Variants in KCNIP4 observed in about 807,000 individuals in gnomAD.
KCNIP4 encodes Kv channel-interacting protein 4.
In KCNIP4, 12 loss-of-function variants were observed where a neutral mutation model predicts 34.0. The ratio of observed to expected loss-of-function variants is 0.35; its 90% CI spans 0.23 to 0.57. KCNIP4 has a LOEUF of 0.57. Among genes scored for constraint, KCNIP4 ranks in the 20% least tolerant of loss-of-function variants. The pLI is 0.83. For synonymous variants in KCNIP4, 124 were observed against 102.2 expected (o/e 1.21, Z -1.29); for missense variants, 238 against 311.7 (o/e 0.76, Z 1.78).
chr4:21,497,991 C>A (rs981085691), intron 1 of KCNIP4, among the ~76,000 whole-genome samples: 1 of 152,096 alleles, frequency 6.6e-6, no homozygotes, highest in Admixed American at 6.6e-5. Context: ...AATGTTGGTA[C>A]AGAGCAACAT....
intron 1 of KCNIP4, among the ~76,000 whole-genome samples, chr4:21,816,956 G>T (rs1578026620): frequency 6.6e-6 from 1 of 152,162 alleles, no homozygotes; most frequent in African/African-American, 2.4e-5. Context: ...AAAAGCTGTT[G>T]TGAGAATTAA....
At chr4:21,785,924 G>A (rs1427821771) in intron 1 of KCNIP4, among the ~76,000 whole-genome samples, 1 of 152,070 alleles carries the variant, frequency 6.6e-6, no homozygotes, top group African/African-American at 2.4e-5. Context: ...TCATGTACAG[G>A]TTTTGGTGTG....
chr4:21,535,715 G>A (rs185289508), intron 1 of KCNIP4, among the ~76,000 whole-genome samples: 3 of 152,216 alleles, frequency 2.0e-5, no homozygotes, highest in Admixed American at 1.3e-4. Context: ...GAAATGAAAT[G>A]TGCTCCATAG....
chr4:21,419,808 G>T (rs1340794102), intron 1 of KCNIP4, among the ~76,000 whole-genome samples: 1 of 152,118 alleles, frequency 6.6e-6, no homozygotes, highest in Admixed American at 6.6e-5. Context: ...ATTTAGGAAA[G>T]AATATTATGA....
intron 3 of KCNIP4, among the ~76,000 whole-genome samples, chr4:20,791,443 A>G (rs1299489630): frequency 6.6e-6 from 1 of 152,196 alleles, no homozygotes; most frequent in East Asian, 1.9e-4. Flanking sequence ...CAATTATTTA[A>G]AGCAAAAATA....
rs905174180 is a variant in KCNIP4, at chr4:21,884,757, T to C, written c.61+63814A>G. ...GAATGCCAACATCATCACTTGCTACTGTCCCCCTCTCTCACTACCTTCTAG... is the reference window on the plus strand; with the variant it reads ...GAATGCCAACATCATCACTTGCTACCGTCCCCCTCTCTCACTACCTTCTAG... On this transcript the variant is annotated intron_variant, in intron 1 of 8. Coordinates refer to ENST00000382152, the MANE Select transcript of KCNIP4 (RefSeq NM_025221.6). 7.2e-5 allele frequency among the ~76,000 whole-genome samples: 11 copies of C among 152,216 alleles called. No homozygotes were observed. The South Asian group carries it at 8.3e-4, about 11-fold the overall frequency.
At chr4:20,861,130 C>G (rs539235523) in intron 2 of KCNIP4, among the ~76,000 whole-genome samples, 1 of 152,078 alleles carries the variant, frequency 6.6e-6, no homozygotes, top group Non-Finnish European at 1.5e-5. Flanking sequence ...AGTGTGGGCA[C>G]GGGGAGCCAG....
intron 1 of KCNIP4, among the ~76,000 whole-genome samples, chr4:21,876,986 A>C (rs1179126008): frequency 2.0e-5 from 3 of 152,136 alleles, no homozygotes; most frequent in Non-Finnish European, 4.4e-5. Context: ...AGGAGAAAAA[A>C]AAAAAGGATT....
intron 1 of KCNIP4, among the ~76,000 whole-genome samples, chr4:21,606,939 C>T (rs1577682166): frequency 1.3e-5 from 2 of 152,218 alleles, no homozygotes; most frequent in East Asian, 3.9e-4. Flanking sequence ...CTGACTCACT[C>T]TTCCACTCCT....
intron 1 of KCNIP4, among the ~76,000 whole-genome samples, chr4:21,461,728 T>C (rs1729481537): frequency 6.6e-6 from 1 of 151,862 alleles, no homozygotes; most frequent in Non-Finnish European, 1.5e-5. Context: ...CTGCTTGCCA[T>C]GTCTTTCCTG....
chr4:21,251,903 C>T (rs1760726333), intron 1 of KCNIP4, among the ~76,000 whole-genome samples: 1 of 151,212 alleles, frequency 6.6e-6, no homozygotes, highest in South Asian at 2.1e-4. Context: ...AGGAGTATAC[C>T]TAATGCTAAA....
chr4:21,354,714 C>T (rs1449642504), intron 1 of KCNIP4, among the ~76,000 whole-genome samples: 4 of 152,104 alleles, frequency 2.6e-5, no homozygotes, highest in Non-Finnish European at 5.9e-5. Context: ...CTTTAACACC[C>T]CACTGTCAAC....
At chr4:21,198,070 C>T (rs968673348) in intron 1 of KCNIP4, among the ~76,000 whole-genome samples, 31 of 152,164 alleles carry the variant, frequency 2.0e-4, no homozygotes, top group Non-Finnish European at 3.4e-4. Context: ...AATACACATA[C>T]GCTATACATA....
rs865988403 is a variant in KCNIP4, at chr4:20,803,703, A to G, written c.289-44813T>C. 4.8e-4 allele frequency among the ~76,000 whole-genome samples: 61 copies of G among 125,846 alleles called. 2 individuals carry two copies. In the South Asian group the frequency reaches 0.018, roughly 36 times the overall value. The allele number at this position is 125,846 out of a possible 152,430, so 82.6% of individuals were successfully genotyped here. On this transcript the variant is annotated intron_variant, in intron 3 of 8. Coordinates refer to ENST00000382152, the MANE Select transcript of KCNIP4 (RefSeq NM_025221.6). ...AGAAAGAGAGGGAGAGAGAGAGAGA[A>G]AGAGAGAGAGAGAGAGAGAGAGAGA...
At chr4:20,956,531 A>G (rs1244474055) in intron 1 of KCNIP4, among the ~76,000 whole-genome samples, 1 of 151,930 alleles carries the variant, frequency 6.6e-6, no homozygotes. Flanking sequence ...CTCTTACTTT[A>G]TTATTATTGC....
intron 1 of KCNIP4, among the ~76,000 whole-genome samples, chr4:21,419,339 T>A (rs916604652): frequency 1.3e-5 from 2 of 152,108 alleles, no homozygotes; most frequent in Non-Finnish European, 2.9e-5. Flanking sequence ...CATTATGTGA[T>A]ATATACACCA....
intron 1 of KCNIP4, among the ~76,000 whole-genome samples, chr4:21,782,843 A>C (rs1719656525): frequency 6.6e-6 from 1 of 152,228 alleles, no homozygotes; most frequent in African/African-American, 2.4e-5. Flanking sequence ...GGAATAAAAA[A>C]GAACAAAATA....
At chr4:21,563,889 G>A (rs1739642969) in intron 1 of KCNIP4, among the ~76,000 whole-genome samples, 1 of 152,042 alleles carries the variant, frequency 6.6e-6, no homozygotes, top group Admixed American at 6.6e-5. Context: ...CCTGTTTTGA[G>A]TGCATGATAT....
chr4:21,597,186 G>C (rs777813515), intron 1 of KCNIP4, among the ~76,000 whole-genome samples: 15 of 151,924 alleles, frequency 9.9e-5, no homozygotes, highest in Non-Finnish European at 2.1e-4. Context: ...TTGCATCATG[G>C]GGGTCGTTTC....
Sources: gnomAD v4.1 joint callset for allele counts (sites outside exome capture counted in the v4.1 genomes callset) on GRCh38, gnomAD v4.1.1 for gene constraint, MANE v1.5 for transcripts, NCBI Gene and HGNC (gene_info 2026-07-23, HGNC 2026-07-21) for gene names.